SAMD12: variants seen among roughly 807,000 people sequenced by gnomAD.
SAMD12 encodes the protein sterile alpha motif domain containing 12.
Under a neutral mutation model 15.0 loss-of-function variants are expected in SAMD12, and 9 were observed. That is an observed-to-expected ratio of 0.60 (90% CI 0.36 to 1.05). The LOEUF (loss-of-function observed/expected upper bound fraction) is 1.05, where lower values mean the gene tolerates loss of function less well. Among genes scored for constraint, SAMD12 ranks in the 50% least tolerant of loss-of-function variants. The probability of loss-of-function intolerance (pLI) is 0.01; values close to 1 mark genes in which losing one functional copy is unlikely to be tolerated. For missense variants in SAMD12, 230 were observed against 234.2 expected, an observed-to-expected ratio of 0.98 and a Z score of 0.12; for synonymous variants, 86 against 90.1, an observed-to-expected ratio of 0.96 and a Z score of 0.25.
intron 4 of SAMD12, among the ~76,000 whole-genome samples, chr8:118,338,742 C>G (rs924978682): frequency 1.3e-5 from 2 of 152,174 alleles, no homozygotes; most frequent in Non-Finnish European, 2.9e-5. Context: ...GCTCAGCCTC[C>G]CTGGGCTAGA....
At chr8:118,463,224 G>T (rs1823488111) in intron 2 of SAMD12, among the ~76,000 whole-genome samples, 2 of 152,128 alleles carry the variant, frequency 1.3e-5, no homozygotes, top group Non-Finnish European at 2.9e-5. Flanking sequence ...CAGGTGGTGG[G>T]GCTAGAACCT....
At chr8:118,422,723 A>G (rs1282635092) in intron 3 of SAMD12, among the ~76,000 whole-genome samples, 1 of 152,216 alleles carries the variant, frequency 6.6e-6, no homozygotes, top group Non-Finnish European at 1.5e-5. Context: ...TCATAGGAAG[A>G]AGAGAGACTA....
intron 4 of SAMD12, among the ~76,000 whole-genome samples, chr8:118,205,581 A>G (rs1349685908): frequency 6.6e-6 from 1 of 152,230 alleles, no homozygotes; most frequent in Non-Finnish European, 1.5e-5. Context: ...TGTTAATTCC[A>G]GAAATGTTAA....
At chr8:118,345,374 T>C (rs776267380) in intron 4 of SAMD12, among the ~76,000 whole-genome samples, 15 of 152,150 alleles carry the variant, frequency 9.9e-5, no homozygotes, top group Admixed American at 5.9e-4. Context: ...CATATTCCTG[T>C]CACTAAGCAA....
intron 1 of SAMD12, among the ~76,000 whole-genome samples, chr8:118,600,053 T>C (rs569156044): frequency 6.6e-5 from 10 of 152,170 alleles, no homozygotes; most frequent in Non-Finnish European, 1.3e-4. Flanking sequence ...GCAATTCATA[T>C]AGCATATGTC....
intron 3 of SAMD12, among the ~76,000 whole-genome samples, chr8:118,418,028 CT>C (rs902750357): frequency 6.6e-6 from 1 of 152,134 alleles, no homozygotes; most frequent in African/African-American, 2.4e-5. Context: ...CTCATTCTTT[CT>C]TTTTTTATAT....
At chr8:118,348,048 A>T (rs1817757311) in intron 4 of SAMD12, among the ~76,000 whole-genome samples, 1 of 152,132 alleles carries the variant, frequency 6.6e-6, no homozygotes, top group Non-Finnish European at 1.5e-5. Flanking sequence ...GGACACATCA[A>T]CTGCTACAAC....
At chr8:118,584,954 CAA>C (rs1491094707) in intron 1 of SAMD12, among the ~76,000 whole-genome samples, 26 of 144,468 alleles carry the variant, frequency 1.8e-4, no homozygotes, top group Non-Finnish European at 2.7e-4. Flanking sequence ...CACACACACA[CAA>C]ACACACACAC....
the SAMD12 span, among the ~76,000 whole-genome samples, chr8:118,176,174 G>T: frequency 7.9e-5 from 12 of 152,092 alleles, no homozygotes; most frequent in Non-Finnish European, 1.6e-4. Context: ...GGTGGCATGC[G>T]CCTGTAGTCC....
chr8:118,564,494 C>T (rs780922653), intron 2 of SAMD12, among the ~76,000 whole-genome samples: 3 of 152,104 alleles, frequency 2.0e-5, no homozygotes, highest in Non-Finnish European at 2.9e-5. Flanking sequence ...CTTCAAATGG[C>T]AATTTAATTT....
At chr8:118,445,992 G>A (rs114953176) in intron 2 of SAMD12, among the ~76,000 whole-genome samples, 222 of 152,228 alleles carry the variant, frequency 1.5e-3, no homozygotes, top group African/African-American at 5.1e-3. Flanking sequence ...AAAACGGAAT[G>A]GATTATCGAA....
chr8:118,569,593 G>T (rs768258232), intron 2 of SAMD12, among the ~76,000 whole-genome samples: 5 of 152,158 alleles, frequency 3.3e-5, no homozygotes, highest in Non-Finnish European at 7.3e-5. Context: ...GTAATTACGG[G>T]TTTAGATGAT....
intron 4 of SAMD12, among the ~76,000 whole-genome samples, chr8:118,257,266 G>C (rs1812968381): frequency 6.6e-6 from 1 of 152,054 alleles, no homozygotes; most frequent in Non-Finnish European, 1.5e-5. Flanking sequence ...GATTTAATCA[G>C]ACACCTTCTG....
chr8:118,459,988 G>A (rs1823368366), intron 2 of SAMD12, among the ~76,000 whole-genome samples: 1 of 152,218 alleles, frequency 6.6e-6, no homozygotes, highest in African/African-American at 2.4e-5. Context: ...GAACCAATGG[G>A]AGAGGCACTG....
chr8:118,477,032 C>T (rs1462039606), intron 2 of SAMD12, among the ~76,000 whole-genome samples: 3 of 151,760 alleles, frequency 2.0e-5, no homozygotes, highest in Admixed American at 6.6e-5. Flanking sequence ...ATTACAGCAC[C>T]GAGATGGACC....
chr8:118,394,868 T>C (rs1820475200), intron 3 of SAMD12: 1 of 152,236 alleles, frequency 6.6e-6, no homozygotes, highest in African/African-American at 2.4e-5. Context: ...ATGAAGAAGA[T>C]AACTCCTGAA....
intron 2 of SAMD12, among the ~76,000 whole-genome samples, chr8:118,564,275 T>A (rs1245625230): frequency 6.7e-6 from 1 of 148,526 alleles, no homozygotes; most frequent in African/African-American, 2.5e-5. Context: ...CCTCTAAGTC[T>A]CAAGCCCAGC....
intron 4 of SAMD12, among the ~76,000 whole-genome samples, chr8:118,293,711 A>C (rs1470285819): frequency 6.6e-6 from 1 of 152,170 alleles, no homozygotes; most frequent in East Asian, 1.9e-4. Context: ...CCCAATGTAC[A>C]GGCAGGTCAT....
At chr8:118,443,232 G>T (rs996955850) in intron 2 of SAMD12, among the ~76,000 whole-genome samples, 1 of 152,156 alleles carries the variant, frequency 6.6e-6, no homozygotes, top group East Asian at 1.9e-4. Context: ...GGGAGGCTGA[G>T]GCAGGCAGAT....
Sources: allele counts gnomAD v4.1 joint callset (sites outside exome capture counted in the v4.1 genomes callset), GRCh38; gene constraint gnomAD v4.1.1; transcripts MANE v1.5; gene names NCBI Gene and HGNC (gene_info 2026-07-23, HGNC 2026-07-21).